Variants in RAPGEF4 observed in about 807,000 individuals in gnomAD.
RAPGEF4 encodes the protein Rap guanine nucleotide exchange factor 4.
Under a neutral mutation model 147.9 loss-of-function variants are expected in RAPGEF4, and 66 were observed. The ratio of observed to expected loss-of-function variants is 0.45; its 90% confidence interval spans 0.37 to 0.55. RAPGEF4 has a LOEUF of 0.55. RAPGEF4 is among the 20% of genes least tolerant of loss of function. The pLI is 0.00. For missense variants in RAPGEF4, 1,071 were observed against 1,257.3 expected, an observed-to-expected ratio of 0.85 and a Z score of 2.24; for synonymous variants, 419 against 442.7, an observed-to-expected ratio of 0.95 and a Z score of 0.67.
At chr2:172,841,791 A>AAC (rs3064818) in intron 4 of RAPGEF4, among the ~76,000 whole-genome samples, 64,221 of 146,862 alleles carry the variant, frequency 0.44, 13,786 homozygotes, top group East Asian at 0.56. Flanking sequence ...TTGGCTGAAT[A>AAC]ACACACACAC....
chr2:173,017,203 A>C lies in RAPGEF4; in HGVS notation c.1928A>C (p.Lys643Thr), dbSNP rs776189315. 1 of 1,613,344 alleles carries C rather than the reference A, an allele frequency of 6.2e-7. No individual in the cohort carries two copies. The highest frequency in any genetic ancestry group is 1.1e-5 in the South Asian group (1 of 91,062). The change falls in exon 20 of 31, where the codon AAG (lysine) becomes ACG (threonine). Residue 643 changes from lysine to threonine, a missense_variant and splice_region_variant. Lys to Thr is a moderately conservative substitution (Grantham distance 78). Transcript: ENST00000397081. ...GAAGATGCAAAGGCACCACAAAAGAAGGTAGGTGGCATGAACTTGCATTCT... is the reference window on the plus strand; with the variant it reads ...GAAGATGCAAAGGCACCACAAAAGACGGTAGGTGGCATGAACTTGCATTCT... ...ISEDAKAPQK[K>T]HKVLLQQFNT...
chr2:172,739,881 G>A (rs996559310), intron 1 of RAPGEF4, among the ~76,000 whole-genome samples: 3 of 152,234 alleles, frequency 2.0e-5, no homozygotes, highest in Non-Finnish European at 4.4e-5. Context: ...CTGTGGGCCA[G>A]ATCTGACAGC....
intron 4 of RAPGEF4, among the ~76,000 whole-genome samples, chr2:172,847,602 G>A (rs1692345868): frequency 6.6e-6 from 1 of 152,188 alleles, no homozygotes; most frequent in African/African-American, 2.4e-5. Context: ...GCTGAAGCAG[G>A]CAAGGTGTTT....
intron 4 of RAPGEF4, among the ~76,000 whole-genome samples, chr2:172,885,137 G>A (rs1697045221): frequency 6.6e-6 from 1 of 152,226 alleles, no homozygotes; most frequent in Non-Finnish European, 1.5e-5. Flanking sequence ...ATGCTCCCTG[G>A]TGCGTTTGAC....
intron 6 of RAPGEF4, among the ~76,000 whole-genome samples, chr2:172,932,622 G>A (rs540856037): frequency 5.9e-5 from 9 of 152,096 alleles, no homozygotes; most frequent in Non-Finnish European, 8.8e-5. Flanking sequence ...CAGGCCAGAC[G>A]ACTTTGTCAT....
At chr2:172,869,272 A>G (rs1277414116) in intron 4 of RAPGEF4, among the ~76,000 whole-genome samples, 1 of 152,202 alleles carries the variant, frequency 6.6e-6, no homozygotes, top group Non-Finnish European at 1.5e-5. Context: ...ATCATGGAAA[A>G]AACCAAACCA....
chr2:172,791,303 G>A (rs1210096621), intron 1 of RAPGEF4, among the ~76,000 whole-genome samples: 3 of 152,206 alleles, frequency 2.0e-5, no homozygotes, highest in South Asian at 2.1e-4. Context: ...GGCAGGTGCA[G>A]TAGCAGATGT....
chr2:172,758,404 G>A (rs779691982), intron 1 of RAPGEF4, among the ~76,000 whole-genome samples: 2 of 152,160 alleles, frequency 1.3e-5, no homozygotes, highest in Non-Finnish European at 2.9e-5. Flanking sequence ...TTTGAACAGA[G>A]GAATGATATA....
chr2:172,830,254 G>A (rs1168768970), intron 4 of RAPGEF4, among the ~76,000 whole-genome samples: 1 of 152,202 alleles, frequency 6.6e-6, no homozygotes, highest in Non-Finnish European at 1.5e-5. Flanking sequence ...TCTTTTTGCA[G>A]TGAAGAAGAA....
chr2:172,756,192 A>G (rs1164829799), intron 1 of RAPGEF4, among the ~76,000 whole-genome samples: 1 of 152,250 alleles, frequency 6.6e-6, no homozygotes, highest in East Asian at 1.9e-4. Flanking sequence ...CTAGGACAGT[A>G]AAGTTAGCCA....
chr2:172,814,465 GA>G (rs748139540), intron 4 of RAPGEF4, 40 bp downstream of exon 4: 1 of 1,605,966 alleles, frequency 6.2e-7, no homozygotes, highest in African/African-American at 1.3e-5. Flanking sequence ...TGCAGTTTCA[GA>G]AAAGAAAGGG....
At chr2:172,759,240 T>C (rs987157158) in intron 1 of RAPGEF4, among the ~76,000 whole-genome samples, 1 of 152,128 alleles carries the variant, frequency 6.6e-6, no homozygotes, top group Non-Finnish European at 1.5e-5. Flanking sequence ...CTTCAAATGG[T>C]ATTGTGAAGA....
intron 29 of RAPGEF4, among the ~76,000 whole-genome samples, chr2:173,047,546 T>C (rs1685631622): frequency 6.6e-6 from 1 of 152,184 alleles, no homozygotes; most frequent in African/African-American, 2.4e-5. Context: ...TTCAAATCTT[T>C]TAAAAACATG....
intron 6 of RAPGEF4, among the ~76,000 whole-genome samples, chr2:172,926,049 G>T (rs1413303174): frequency 8.7e-6 from 1 of 114,492 alleles, no homozygotes; most frequent in Non-Finnish European, 1.8e-5. Context: ...GAGGGAGGGA[G>T]GGAGGGAGGG....
chr2:173,039,254 G>A (rs1024741988), intron 29 of RAPGEF4, among the ~76,000 whole-genome samples: 1 of 151,130 alleles, frequency 6.6e-6, no homozygotes, highest in Non-Finnish European at 1.5e-5. Flanking sequence ...TCAGGAGATC[G>A]AGACCATCCT....
intron 1 of RAPGEF4, among the ~76,000 whole-genome samples, chr2:172,765,392 A>C (rs985635062): frequency 6.6e-6 from 1 of 152,236 alleles, no homozygotes; most frequent in Non-Finnish European, 1.5e-5. Context: ...AACTCAGAAA[A>C]GAATCTACCT....
intron 6 of RAPGEF4, among the ~76,000 whole-genome samples, chr2:172,946,766 C>CGGTT (rs1687719303): frequency 6.6e-6 from 1 of 152,204 alleles, no homozygotes; most frequent in South Asian, 2.1e-4. Flanking sequence ...ATATGTAAAA[C>CGGTT]GGTTCCACCG....
chr2:173,031,991 G>A (rs1162702091), intron 26 of RAPGEF4, among the ~76,000 whole-genome samples: 1 of 152,126 alleles, frequency 6.6e-6, no homozygotes, highest in Non-Finnish European at 1.5e-5. Flanking sequence ...GAGAAATGCT[G>A]CCTGGCCTCA....
intron 3 of RAPGEF4, among the ~76,000 whole-genome samples, chr2:172,802,221 T>C (rs1687051808): frequency 1.3e-5 from 2 of 152,194 alleles, no homozygotes; most frequent in South Asian, 4.1e-4. Flanking sequence ...ATGCTATACA[T>C]TTATTAGGTA....
Sources: allele counts gnomAD v4.1 joint callset (sites outside exome capture counted in the v4.1 genomes callset), GRCh38; gene constraint gnomAD v4.1.1; transcripts MANE v1.5; gene names NCBI Gene and HGNC (gene_info 2026-07-23, HGNC 2026-07-21).